ANO3: variants seen among roughly 807,000 people sequenced by gnomAD.
ANO3 encodes the protein anoctamin-3.
In ANO3, 99 loss-of-function variants were observed where a neutral mutation model predicts 144.8. The observed-to-expected ratio is 0.68, with a 90% CI of 0.58 to 0.81. The LOEUF (loss-of-function observed/expected upper bound fraction) is 0.81, where lower values mean the gene tolerates loss of function less well. ANO3 is among the 30% of genes least tolerant of loss of function. ANO3 has a pLI of 0.00. For synonymous variants in ANO3, 414 were observed against 392.6 expected (o/e 1.05, Z -0.64); for missense variants, 905 against 1,202.2 (o/e 0.75, Z 3.66).
intron 1 of ANO3, among the ~76,000 whole-genome samples, chr11:26,257,420 G>A (rs1853084933): frequency 6.6e-6 from 1 of 152,150 alleles, no homozygotes; most frequent in East Asian, 1.9e-4. Context: ...ACTAAGCAAT[G>A]TTGTCTCCCA....
chr11:26,533,020 C>T (rs1849412450), intron 8 of ANO3, among the ~76,000 whole-genome samples: 1 of 152,200 alleles, frequency 6.6e-6, no homozygotes, highest in Middle Eastern at 3.4e-3. Context: ...GGTGGACATT[C>T]CTTCTCCTAC....
At chr11:26,538,746 G>A (rs929221470) in intron 10 of ANO3, among the ~76,000 whole-genome samples, 1 of 151,980 alleles carries the variant, frequency 6.6e-6, no homozygotes, top group African/African-American at 2.4e-5. Flanking sequence ...CTTGTAATTT[G>A]GATGAAATAT....
intron 1 of ANO3, among the ~76,000 whole-genome samples, chr11:26,199,441 TC>T (rs971807310): frequency 3.3e-5 from 5 of 152,140 alleles, no homozygotes; most frequent in African/African-American, 1.2e-4. Flanking sequence ...CTGATTCAGT[TC>T]TATTTCAGGG....
In ANO3 at chr11:26,508,194, A is replaced by G. The variant is rs559014773; in HGVS notation, c.523A>G (p.Ile175Val). 6.5e-5 allele frequency: 105 copies of G among 1,606,172 alleles called. No homozygotes were observed. In the South Asian group the frequency reaches 1.1e-3, roughly 17 times the overall value. Reference sequence around the variant, plus strand: ...CATCTTGGTTTATAGAAAGACAAATATACAATATGATAAAAGAAACACATT... The same window carrying G: ...CATCTTGGTTTATAGAAAGACAAATGTACAATATGATAAAAGAAACACATT... ...DYILVYRKTN[I>V]QYDKRNTFEK... Residue 175 changes from isoleucine to valine, a missense_variant, in exon 5 of 27, where the codon ATA becomes GTA. Ile to Val is a conservative substitution (Grantham distance 29). This residue lies in a region of ANO3 where 63 missense variants were observed against 107.3 expected (regional missense o/e 0.59). Coordinates refer to ENST00000256737, the MANE Select transcript of ANO3 (RefSeq NM_031418.4).
chr11:26,555,158 T>C (rs1362388091), intron 13 of ANO3, among the ~76,000 whole-genome samples: 1 of 152,232 alleles, frequency 6.6e-6, no homozygotes, highest in Admixed American at 6.5e-5. Flanking sequence ...TTTTTCATTC[T>C]TTTAAATGTT....
intron 1 of ANO3, among the ~76,000 whole-genome samples, chr11:26,239,470 G>T (rs767942614): frequency 6.6e-6 from 1 of 152,040 alleles, no homozygotes; most frequent in Non-Finnish European, 1.5e-5. Context: ...TGGTCCCTCT[G>T]CCAGGAAGTC....
intron 1 of ANO3, among the ~76,000 whole-genome samples, chr11:26,229,812 T>A (rs544879169): frequency 6.6e-6 from 1 of 152,206 alleles, no homozygotes; most frequent in Non-Finnish European, 1.5e-5. Context: ...TTCAAATTGT[T>A]ATATAAACAA....
chr11:26,395,650 A>G (rs772597344), intron 1 of ANO3, among the ~76,000 whole-genome samples: 2 of 152,110 alleles, frequency 1.3e-5, no homozygotes, highest in Non-Finnish European at 1.5e-5. Flanking sequence ...ACACATCTAC[A>G]ACCATCTGAT....
chr11:26,249,489 ATCTAATACT>A (rs1852876896), intron 1 of ANO3, among the ~76,000 whole-genome samples: 1 of 152,194 alleles, frequency 6.6e-6, no homozygotes. Context: ...GTGTTCCGGT[ATCTAATACT>A]TCTTGAATTA....
chr11:26,516,194 G>T (rs1266541755), intron 5 of ANO3, among the ~76,000 whole-genome samples: 1 of 151,566 alleles, frequency 6.6e-6, no homozygotes, highest in Non-Finnish European at 1.5e-5. Context: ...TAATCCTTAT[G>T]CATACTTGAC....
intron 7 of ANO3, 123 bp from the exon 8 acceptor site, chr11:26,531,082 G>A (rs755058614): frequency 5.1e-5 from 51 of 1,002,806 alleles, no homozygotes; most frequent in Non-Finnish European, 7.0e-5. Flanking sequence ...TATGTGTGGT[G>A]TGTGTAGGTT....
intron 1 of ANO3, among the ~76,000 whole-genome samples, chr11:26,348,015 C>A (rs182479695): frequency 7.9e-5 from 12 of 152,250 alleles, no homozygotes; most frequent in Admixed American, 6.5e-4. Flanking sequence ...GTTTTCCCAG[C>A]TCGAAAATAT....
At chr11:26,237,318 C>T (rs997932445) in intron 1 of ANO3, among the ~76,000 whole-genome samples, 11 of 151,908 alleles carry the variant, frequency 7.2e-5, no homozygotes, top group African/African-American at 2.4e-4. Flanking sequence ...TTATTTTTTC[C>T]ACAAAGCATT....
upstream of ANO3, among the ~76,000 whole-genome samples, chr11:26,308,592 A>T (rs143728983): frequency 2.0e-5 from 3 of 152,214 alleles, no homozygotes; most frequent in South Asian, 2.1e-4. Context: ...TAAATATATC[A>T]TGTATCAATT....
intron 1 of ANO3, among the ~76,000 whole-genome samples, chr11:26,411,451 C>T (rs1390832467): frequency 6.6e-6 from 1 of 151,760 alleles, no homozygotes; most frequent in Admixed American, 6.6e-5. Context: ...AGTCATAATG[C>T]AAATATTAGA....
intron 1 of ANO3, among the ~76,000 whole-genome samples, chr11:26,357,158 G>A (rs933150974): frequency 2.2e-4 from 33 of 152,162 alleles, no homozygotes; most frequent in African/African-American, 7.0e-4. Flanking sequence ...CAGTTTGGCA[G>A]CTATTACAAG....
chr11:26,483,242 A>G (rs1474748997), intron 4 of ANO3, among the ~76,000 whole-genome samples: 1 of 151,788 alleles, frequency 6.6e-6, no homozygotes, highest in Non-Finnish European at 1.5e-5. Flanking sequence ...TTATTTTTGG[A>G]CATCTAAATC....
At chr11:26,284,684 G>A (rs768318629) in intron 1 of ANO3, among the ~76,000 whole-genome samples, 1 of 152,040 alleles carries the variant, frequency 6.6e-6, no homozygotes, top group Non-Finnish European at 1.5e-5. Flanking sequence ...CGGATCAAGA[G>A]GTCAGGAGAT....
chr11:26,423,104 T>G (rs1857801694), intron 1 of ANO3, among the ~76,000 whole-genome samples: 1 of 151,974 alleles, frequency 6.6e-6, no homozygotes, highest in Non-Finnish European at 1.5e-5. Flanking sequence ...CCATAACGTA[T>G]GTATGGAGAG....
Sources: allele counts gnomAD v4.1 joint callset (sites outside exome capture counted in the v4.1 genomes callset), GRCh38; gene constraint gnomAD v4.1.1; regional missense constraint gnomAD v4.1.1; transcripts MANE v1.5; gene names NCBI Gene and HGNC (gene_info 2026-07-23, HGNC 2026-07-21).